The following PICALM variants were observed in gnomAD, a reference collection of about 807,000 sequenced individuals.
PICALM encodes phosphatidylinositol-binding clathrin assembly protein.
Under a neutral mutation model 80.5 loss-of-function variants are expected in PICALM, and 40 were observed. The observed-to-expected ratio is 0.50, with a 90% confidence interval of 0.39 to 0.65. PICALM has a LOEUF of 0.65. Among genes scored for constraint, PICALM ranks in the 30% least tolerant of loss-of-function variants. The pLI is 0.00. For synonymous variants in PICALM, 288 were observed against 260.3 expected (o/e 1.11, Z -1.02); for missense variants, 676 against 778.9 (o/e 0.87, Z 1.57).
chr11:85,997,066 AAC>A (rs2136025449), intron 11 of PICALM, 137 bp from the exon 12 acceptor site: 2 of 544,504 alleles, frequency 3.7e-6, no homozygotes, highest in African/African-American at 1.9e-5. Context: ...TCAAAAGAGG[AAC>A]AGTTTCTTCA....
At chr11:85,987,777 A>G (rs568089669) in intron 13 of PICALM, among the ~76,000 whole-genome samples, 1 of 152,310 alleles carries the variant, frequency 6.6e-6, no homozygotes, top group Non-Finnish European at 1.5e-5. Context: ...AGCTCCCGAG[A>G]TGGTTTTTAG....
At chr11:86,052,926 T>C (rs755703564) in intron 1 of PICALM, among the ~76,000 whole-genome samples, 3 of 152,232 alleles carry the variant, frequency 2.0e-5, no homozygotes, top group Non-Finnish European at 4.4e-5. Context: ...TGTCTACAAA[T>C]GTTTGCTCAT....
chr11:86,062,063 A>G (rs1389403036), intron 1 of PICALM, among the ~76,000 whole-genome samples: 2 of 152,172 alleles, frequency 1.3e-5, no homozygotes, highest in Non-Finnish European at 2.9e-5. Flanking sequence ...AGGCAAAACT[A>G]TGGAGACAGT....
At chr11:86,038,438 T>A (rs997825211) in intron 1 of PICALM, among the ~76,000 whole-genome samples, 1 of 152,186 alleles carries the variant, frequency 6.6e-6, no homozygotes, top group African/African-American at 2.4e-5. Context: ...GTTCAATCTC[T>A]TACAATGGTA....
At chr11:85,987,443 C>T (rs1565301486) in intron 13 of PICALM, among the ~76,000 whole-genome samples, 2 of 152,044 alleles carry the variant, frequency 1.3e-5, no homozygotes, top group African/African-American at 4.8e-5. Context: ...TTAAAAACAA[C>T]CCAAATTTTA....
Position 85,976,698 on chromosome 11 carries a change from G to C in PICALM, c.1780-16C>G, listed in dbSNP as rs1268211035. 1.3e-6 allele frequency: 2 copies of C among 1,514,142 alleles called. No individual in the cohort carries two copies. Among genetic ancestry groups the C allele is most frequent in the Non-Finnish European group, 1.8e-6 (2 of 1,090,014 alleles). 93.8% of individuals were successfully genotyped at this position (1,514,142 alleles called of 1,614,324 possible). On this transcript the variant is annotated splice_polypyrimidine_tract_variant and intron_variant, in intron 17 of 19. Coordinates refer to ENST00000393346, the MANE Select transcript of PICALM (RefSeq NM_007166.4). The stretch of plus-strand genomic sequence containing the variant: ...CAGGGGGTGCCTAACATAGTGAAAG[G>C]AAAAATGAACAAGAAAGTATAACTC...
chr11:85,981,770 C>T lies in PICALM; in HGVS notation c.1654G>A (p.Gly552Ser), dbSNP rs370774354. 3.7e-6 allele frequency: 6 copies of T among 1,612,284 alleles called. No individual in the cohort carries two copies. The highest frequency in any genetic ancestry group is 5.1e-6 in the Non-Finnish European group (6 of 1,178,432). ...TTCTTAGTGGTTCCATTTCCGATGC[C>T]AAGATCTAGGAAAGGAGAAAAACAA... ...SSLANLVGNL[G>S]IGNGTTKNDV... Residue 552 changes from glycine (G) to serine (S), a missense_variant, in exon 16 of 20, where the codon GGC (glycine) becomes AGC (serine). This residue lies in a region of PICALM where 391 missense variants were observed against 383.6 expected (regional missense o/e 1.02). Coordinates refer to ENST00000393346, the MANE Select transcript of PICALM (RefSeq NM_007166.4).
At chr11:85,997,070 G>C in intron 11 of PICALM, 141 bp from the exon 12 acceptor site, 1 of 535,872 alleles carries the variant, frequency 1.9e-6, no homozygotes, top group African/African-American at 2.0e-5. Context: ...AAGAGGAACA[G>C]TTTCTTCATA....
At chr11:85,999,991 G>T (rs535623761) in intron 11 of PICALM, among the ~76,000 whole-genome samples, 52 of 152,276 alleles carry the variant, frequency 3.4e-4, no homozygotes, top group African/African-American at 1.3e-3. Flanking sequence ...TGAAAACAAG[G>T]TTTCTCAAAA....
intron 17 of PICALM, chr11:85,978,723 A>G (rs1008053630): frequency 1.3e-5 from 2 of 152,222 alleles, no homozygotes; most frequent in African/African-American, 2.4e-5. Flanking sequence ...AGCAAGATAA[A>G]GACTGTTACC....
At chr11:86,008,193 T>C (rs111827541) in intron 7 of PICALM, among the ~76,000 whole-genome samples, 1 of 152,152 alleles carries the variant, frequency 6.6e-6, no homozygotes, top group African/African-American at 2.4e-5. Context: ...CAAAAAAAGA[T>C]AGAAACGGTT....
intron 2 of PICALM, among the ~76,000 whole-genome samples, chr11:86,029,493 AC>A (rs2095711033): frequency 6.6e-6 from 1 of 152,238 alleles, no homozygotes; most frequent in Non-Finnish European, 1.5e-5. Flanking sequence ...CAAAAAACAC[AC>A]TATCAAAAAA....
At chr11:86,048,992 C>G (rs980383291) in intron 1 of PICALM, among the ~76,000 whole-genome samples, 1 of 150,808 alleles carries the variant, frequency 6.6e-6, no homozygotes, top group Non-Finnish European at 1.5e-5. Flanking sequence ...AAAGTGACCA[C>G]GTAAAGAACA....
intron 1 of PICALM, 134 bp from the exon 2 acceptor site, chr11:86,031,745 T>C (rs530375343): frequency 3.1e-6 from 2 of 635,426 alleles, no homozygotes; most frequent in African/African-American, 1.8e-5. Flanking sequence ...TTGTTAAAAA[T>C]CTCTCAATTA....
At chr11:86,048,092 A>C (rs988923171) in intron 1 of PICALM, among the ~76,000 whole-genome samples, 5 of 151,248 alleles carry the variant, frequency 3.3e-5, no homozygotes, top group Non-Finnish European at 1.5e-5. Flanking sequence ...CAAGGCCAAA[A>C]CTCCGTCTCA....
chr11:85,957,538 A>C lies in PICALM; in HGVS notation c.*1508T>G, dbSNP rs527289851. The C allele has an allele frequency of 4.3e-5, 8 of 185,080 alleles. No individual in the cohort carries two copies. The highest frequency in any genetic ancestry group is 8.0e-5 in the Non-Finnish European group (7 of 87,442). The allele number at this position is 185,080 out of a possible 1,614,324, so 11.5% of individuals were successfully genotyped here. On this transcript the variant is annotated 3_prime_UTR_variant, in exon 20 of 20. Transcript: ENST00000393346. Reference sequence around the variant, plus strand: ...AGTGTAAAGAGACATCTTTTTGAAAATTCATATAAAACAAACCTTCCATGT... The same window carrying C: ...AGTGTAAAGAGACATCTTTTTGAAACTTCATATAAAACAAACCTTCCATGT...
intron 1 of PICALM, among the ~76,000 whole-genome samples, chr11:86,042,364 T>A (rs2095987820): frequency 6.6e-6 from 1 of 152,062 alleles, no homozygotes. Flanking sequence ...AGCTACTTAA[T>A]GGAATAAAAA....
At chr11:86,067,024 T>C (rs79257402) in intron 1 of PICALM, among the ~76,000 whole-genome samples, 243 of 152,374 alleles carry the variant, frequency 1.6e-3, no homozygotes, top group African/African-American at 5.5e-3. Flanking sequence ...TGCATGCATA[T>C]CTGAAAGAAT....
Position 86,035,966 on chromosome 11 carries a change from G to C in PICALM, c.131-4355C>G, listed in dbSNP as rs199884149. ...CTGCCTCAAAAAAAAAAAAAAAAAA[G>C]AAAAAAAAAGAAAATTGGAGATAAA... On this transcript the variant is annotated intron_variant, in intron 1 of 19. Coordinates refer to ENST00000393346, the MANE Select transcript of PICALM (RefSeq NM_007166.4). 5.0e-3 allele frequency among the ~76,000 whole-genome samples: 608 copies of C among 122,742 alleles called. 5 individuals are homozygous for C. The highest frequency in any genetic ancestry group is 0.017 in the African/African-American group (581 of 34,196). 80.5% of individuals were successfully genotyped at this position (122,742 alleles called of 152,430 possible). A position where few individuals can be genotyped will look rare whatever the true frequency, so the allele number is the denominator to read the frequency against.
Sources: allele counts gnomAD v4.1 joint callset (sites outside exome capture counted in the v4.1 genomes callset), GRCh38; gene constraint gnomAD v4.1.1; regional missense constraint gnomAD v4.1.1; transcripts MANE v1.5; gene names NCBI Gene and HGNC (gene_info 2026-07-23, HGNC 2026-07-21).